OR10A4: variants seen among roughly 807,000 people sequenced by gnomAD.
OR10A4 encodes olfactory receptor family 10 subfamily A member 4.
OR10A4 carries 18 observed loss-of-function variants against 15.4 expected under a neutral mutation model. The observed-to-expected ratio is 1.17, with a 90% CI of 0.81 to 1.74. The LOEUF is 1.74. OR10A4 is among the 40% of genes most tolerant of loss of function. OR10A4 has a pLI of 0.00. For synonymous variants in OR10A4, 161 were observed against 149.5 expected, an observed-to-expected ratio of 1.08 and a Z score of -0.56; for missense variants, 455 against 372.3, an observed-to-expected ratio of 1.22 and a Z score of -1.83.
Position 6,877,042 on chromosome 11 carries a change from A to G in OR10A4, c.395A>G (p.His132Arg). 6.2e-7 allele frequency: 1 copy of G among 1,614,184 alleles called. No individual in the cohort carries two copies. The change falls in exon 1 of 1, where the codon CAC becomes CGC. Residue 132 changes from histidine to arginine, a missense_variant. Coordinates refer to ENST00000379829, the MANE Select transcript of OR10A4 (RefSeq NM_207186.2). ...TACGTGGCCATCTGTGACCCCTTGC[A>G]CTACCCAGTCATCATGGGCCACATA... Reference protein sequence around the residue: ...DRYVAICDPLHYPVIMGHISC... With the variant: ...DRYVAICDPLRYPVIMGHISC...
Position 6,876,682 on chromosome 11 carries a change from T to G in OR10A4, c.35T>G (p.Phe12Cys). 1 of 1,613,170 alleles carries G rather than the reference T, an allele frequency of 6.2e-7. No homozygotes were observed. ...MWENWTIVSE[F>C]VLVSFSALST... is the part of the protein sequence containing the mutation. ...GAAAACTGGACAATTGTCAGTGAAT[T>G]TGTTCTCGTGAGCTTCTCAGCCCTG... Residue 12 changes from phenylalanine (F) to cysteine (C), a missense_variant, in exon 1 of 1, where the codon TTT becomes TGT. By Grantham distance (205) the Phe-to-Cys change is radical. Transcript: ENST00000379829.
In OR10A4 at chr11:6,876,917, C is replaced by T. The variant is rs764241761; in HGVS notation, c.270C>T (p.Asp90=). 10 of 1,614,220 alleles carry T rather than the reference C, an allele frequency of 6.2e-6. No individual in the cohort carries two copies. In the East Asian group the frequency reaches 2.2e-4, roughly 36 times the overall value. The change falls in exon 1 of 1, where the codon GAC becomes GAT. Residue 90 remains aspartate (D), a synonymous_variant. Transcript: ENST00000379829. ...TGCTGGGGACCCTGATCATTCAAGACACAACCATCTCCTTCCTTGGATGTG... is the reference window on the plus strand; with the variant it reads ...TGCTGGGGACCCTGATCATTCAAGATACAACCATCTCCTTCCTTGGATGTG... ...PKMLGTLIIQ[D]TTISFLGCAT...
At position 6,877,127 on chromosome 11, in the gene OR10A4, A is replaced by C; in HGVS notation, c.480A>C (p.Gln160His). 6.2e-7 allele frequency: 1 copy of C among 1,614,186 alleles called. No individual in the cohort carries two copies. The highest frequency in any genetic ancestry group is 1.6e-4 in the Middle Eastern group (1 of 6,062). The change falls in exon 1 of 1, where the codon CAA becomes CAC. Residue 160 changes from glutamine (Q) to histidine (H), a missense_variant. Physicochemically the swap from Gln to His is conservative, Grantham distance 24. Transcript: ENST00000379829. ...WFSGFSVATV[Q>H]TTWIFSFPFC... ...CAGGGTTTTCAGTGGCCACTGTGCAAACCACATGGATTTTCAGTTTCCCTT... is the reference window on the plus strand; with the variant it reads ...CAGGGTTTTCAGTGGCCACTGTGCACACCACATGGATTTTCAGTTTCCCTT...
chr11:6,876,764 T>C lies in OR10A4; in HGVS notation c.117T>C (p.Thr39=), dbSNP rs566253065. The C allele has an allele frequency of 6.2e-7, 1 of 1,614,030 alleles. No homozygotes were observed. Among genetic ancestry groups the C allele is most frequent in the Non-Finnish European group, 8.5e-7 (1 of 1,179,850 alleles). The change falls in exon 1 of 1, where the codon ACT becomes ACC. Residue 39 remains threonine (T), a synonymous_variant. Transcript: ENST00000379829. ...TTTTCTTGACCATTTACTTGGTTAC[T>C]TTAATGGGCAATGTCCTCATCATCC... ...FLLFLTIYLV[T]LMGNVLIILV...
At position 6,877,413 on chromosome 11, in the gene OR10A4, G is replaced by A; in HGVS notation, c.766G>A (p.Ala256Thr). The A allele has an allele frequency of 1.2e-6, 2 of 1,614,064 alleles. No individual in the cohort carries two copies. Among genetic ancestry groups the A allele is most frequent in the Non-Finnish European group, 8.5e-7 (1 of 1,180,012 alleles). Reference protein sequence around the residue: ...LLVVSLFYSTAILTYFRPQSS... With the variant: ...LLVVSLFYSTTILTYFRPQSS... ...GGTTGTCTCTCTCTTCTATAGCACT[G>A]CCATCCTCACGTATTTCCGACCCCA... Residue 256 changes from alanine to threonine, a missense_variant, in exon 1 of 1, where the codon GCC becomes ACC. Coordinates refer to ENST00000379829, the MANE Select transcript of OR10A4 (RefSeq NM_207186.2).
rs146693980 is a variant in OR10A4 at position 6,877,205 on chromosome 11, T to C, written c.558T>C (p.Ile186=). Residue 186 remains isoleucine (I), a synonymous_variant, in exon 1 of 1, where the codon ATT becomes ATC. Coordinates refer to ENST00000379829, the MANE Select transcript of OR10A4 (RefSeq NM_207186.2). ...NHFFCDSPPV[I]ALVCADTSVF... ...TCTTCTGTGACAGCCCTCCTGTTAT[T>C]GCACTGGTCTGTGCTGACACCTCTG... 7.6e-4 allele frequency: 1,220 copies of C among 1,614,244 alleles called. No homozygotes were observed. Among genetic ancestry groups the C allele is most frequent in the Non-Finnish European group, 9.2e-4 (1,086 of 1,180,034 alleles).
rs756813127 is a variant in OR10A4, at chr11:6,877,233, T to A, written c.586T>A (p.Phe196Ile). Residue 196 changes from phenylalanine to isoleucine, a missense_variant, in exon 1 of 1, where the codon TTT becomes ATT. Physicochemically the swap from Phe to Ile is conservative, Grantham distance 21. Coordinates refer to ENST00000379829, the MANE Select transcript of OR10A4 (RefSeq NM_207186.2). ...IALVCADTSV[F>I]ELEALTATVL... ...ACTGGTCTGTGCTGACACCTCTGTGTTTGAACTGGAGGCTCTGACAGCCAC... is the reference window on the plus strand; with the variant it reads ...ACTGGTCTGTGCTGACACCTCTGTGATTGAACTGGAGGCTCTGACAGCCAC... 6.2e-7 allele frequency: 1 copy of A among 1,614,226 alleles called. No individual in the cohort carries two copies. The highest frequency in any genetic ancestry group is 1.1e-5 in the South Asian group (1 of 91,086).
chr11:6,877,037 C>T lies in OR10A4; in HGVS notation c.390C>T (p.Pro130=), dbSNP rs536870494. ...ACCGCTACGTGGCCATCTGTGACCCCTTGCACTACCCAGTCATCATGGGCC... is the reference window on the plus strand; with the variant it reads ...ACCGCTACGTGGCCATCTGTGACCCTTTGCACTACCCAGTCATCATGGGCC... ...AYDRYVAICD[P]LHYPVIMGHI... Residue 130 remains proline, a synonymous_variant, in exon 1 of 1, where the codon CCC becomes CCT. Transcript: ENST00000379829. 1 of 1,614,234 alleles carries T rather than the reference C, an allele frequency of 6.2e-7. No individual in the cohort carries two copies.
rs140636908 is a variant in OR10A4, at chr11:6,876,685, T to C, written c.38T>C (p.Val13Ala). Reference protein sequence around the residue: ...WENWTIVSEFVLVSFSALSTE... With the variant: ...WENWTIVSEFALVSFSALSTE... Reference sequence around the variant, plus strand: ...AACTGGACAATTGTCAGTGAATTTGTTCTCGTGAGCTTCTCAGCCCTGTCC... The same window carrying C: ...AACTGGACAATTGTCAGTGAATTTGCTCTCGTGAGCTTCTCAGCCCTGTCC... Residue 13 changes from valine to alanine, a missense_variant, in exon 1 of 1, where the codon GTT becomes GCT. Physicochemically the swap from Val to Ala is moderately conservative, Grantham distance 64. Transcript: ENST00000379829. The C allele has an allele frequency of 3.1e-6, 5 of 1,613,446 alleles. No individual in the cohort carries two copies. Among genetic ancestry groups the C allele is most frequent in the Non-Finnish European group, 3.4e-6 (4 of 1,179,768 alleles).
At position 6,876,724 on chromosome 11, in the gene OR10A4, C is replaced by T. The variant is rs751791498; in HGVS notation, c.77C>T (p.Ala26Val). The change falls in exon 1 of 1, where the codon GCT (alanine) becomes GTT (valine). Residue 26 changes from alanine (A) to valine (V), a missense_variant. Ala to Val is a moderately conservative substitution (Grantham distance 64). Coordinates refer to ENST00000379829, the MANE Select transcript of OR10A4 (RefSeq NM_207186.2). ...TCAGCCCTGTCCACTGAGCTTCAGG[C>T]TCTACTGTTTCTCCTTTTCTTGACC... ...SFSALSTELQ[A>V]LLFLLFLTIY... 1 of 1,614,106 alleles carries T rather than the reference C, an allele frequency of 6.2e-7. No individual in the cohort carries two copies. The highest frequency in any genetic ancestry group is 1.1e-5 in the South Asian group (1 of 91,084).
At position 6,877,395 on chromosome 11, in the gene OR10A4, T is replaced by C. The variant is rs896892921; in HGVS notation, c.748T>C (p.Ser250Pro). The change falls in exon 1 of 1, where the codon TCT becomes CCT. Residue 250 changes from serine (S) to proline (P), a missense_variant. Coordinates refer to ENST00000379829, the MANE Select transcript of OR10A4 (RefSeq NM_207186.2). ...CTGTTCCGCCCACCTCTTGGTTGTCTCTCTCTTCTATAGCACTGCCATCCT... is the reference window on the plus strand; with the variant it reads ...CTGTTCCGCCCACCTCTTGGTTGTCCCTCTCTTCTATAGCACTGCCATCCT... ...STCSAHLLVV[S>P]LFYSTAILTY... 1.3e-5 allele frequency: 21 copies of C among 1,614,042 alleles called. No homozygotes were observed. Among genetic ancestry groups the C allele is most frequent in the Non-Finnish European group, 1.8e-5 (21 of 1,180,032 alleles).
rs1194783593 is a variant in OR10A4, at chr11:6,877,405, A to C, written c.758A>C (p.Tyr253Ser). ...CACCTCTTGGTTGTCTCTCTCTTCT[A>C]TAGCACTGCCATCCTCACGTATTTC... ...SAHLLVVSLF[Y>S]STAILTYFRP... The change falls in exon 1 of 1, where the codon TAT becomes TCT. Residue 253 changes from tyrosine to serine, a missense_variant. Tyr to Ser is a moderately radical substitution (Grantham distance 144, BLOSUM62 -2). Transcript: ENST00000379829. The C allele has an allele frequency of 6.2e-7, 1 of 1,613,938 alleles. No homozygotes were observed. The highest frequency in any genetic ancestry group is 8.5e-7 in the Non-Finnish European group (1 of 1,180,010).
rs757044630 is a variant in OR10A4, at chr11:6,877,529, G to C, written c.882G>C (p.Arg294Ser). The change falls in exon 1 of 1, where the codon AGG becomes AGC. Residue 294 changes from arginine to serine, a missense_variant. Coordinates refer to ENST00000379829, the MANE Select transcript of OR10A4 (RefSeq NM_207186.2). ...TGAACCCCATCATCTACAGCTCAAG[G>C]AATAAAGAAGTGAAGGCTGCACTGA... ...PMLNPIIYSS[R>S]NKEVKAALKR... The C allele has an allele frequency of 1.2e-6, 2 of 1,614,126 alleles. No individual in the cohort carries two copies. Among genetic ancestry groups the C allele is most frequent in the Non-Finnish European group, 8.5e-7 (1 of 1,180,020 alleles).
In OR10A4 at chr11:6,877,461, A is replaced by G. The variant is rs892937188; in HGVS notation, c.814A>G (p.Lys272Glu). The change falls in exon 1 of 1, where the codon AAG becomes GAG. Residue 272 changes from lysine to glutamate, a missense_variant. Lys to Glu is a moderately conservative substitution (Grantham distance 56, BLOSUM62 1). Coordinates refer to ENST00000379829, the MANE Select transcript of OR10A4 (RefSeq NM_207186.2). The stretch of plus-strand genomic sequence containing the variant: ...CCAATCCAGTGCCTCTTCTGAGAGC[A>G]AGAAGCTGCTGTCACTCTCTTCCAC... The part of the protein sequence containing the change: ...RPQSSASSES[K>E]KLLSLSSTVV... 4 of 1,614,048 alleles carry G rather than the reference A, an allele frequency of 2.5e-6. No homozygotes were observed. The highest frequency in any genetic ancestry group is 1.7e-5 in the Admixed American group (1 of 60,004).
rs1245525543 is a variant in OR10A4 at position 6,877,239 on chromosome 11, C to A, written c.592C>A (p.Leu198Met). Residue 198 changes from leucine to methionine, a missense_variant, in exon 1 of 1, where the codon CTG becomes ATG. Transcript: ENST00000379829. Reference sequence around the variant, plus strand: ...CTGTGCTGACACCTCTGTGTTTGAACTGGAGGCTCTGACAGCCACTGTCCT... The same window carrying A: ...CTGTGCTGACACCTCTGTGTTTGAAATGGAGGCTCTGACAGCCACTGTCCT... ...LVCADTSVFE[L>M]EALTATVLFI... 10 of 1,614,084 alleles carry A rather than the reference C, an allele frequency of 6.2e-6. No homozygotes were observed. Among genetic ancestry groups the A allele is most frequent in the African/African-American group, 1.3e-5 (1 of 74,924 alleles).
chr11:6,876,716 G>A lies in OR10A4; in HGVS notation c.69G>A (p.Glu23=), dbSNP rs750155957. Residue 23 remains glutamate, a synonymous_variant, in exon 1 of 1, where the codon GAG becomes GAA. Coordinates refer to ENST00000379829, the MANE Select transcript of OR10A4 (RefSeq NM_207186.2). ...TGAGCTTCTCAGCCCTGTCCACTGA[G>A]CTTCAGGCTCTACTGTTTCTCCTTT... ...VLVSFSALST[E]LQALLFLLFL... 8.7e-6 allele frequency: 14 copies of A among 1,614,048 alleles called. No individual in the cohort carries two copies. Among genetic ancestry groups the A allele is most frequent in the Non-Finnish European group, 1.2e-5 (14 of 1,180,024 alleles).
Position 6,877,046 on chromosome 11 carries a change from C to A in OR10A4, c.399C>A (p.Tyr133Ter), listed in dbSNP as rs768936168. The change falls in exon 1 of 1, where the codon TAC becomes TAA. Residue 133 changes from tyrosine (Y) to a stop codon, truncating the protein, a stop_gained. Transcript: ENST00000379829. LOFTEE classifies it high-confidence loss of function. ...RYVAICDPLH[Y>*]PVIMGHISCA... is the part of the protein sequence containing the mutation. ...TGGCCATCTGTGACCCCTTGCACTA[C>A]CCAGTCATCATGGGCCACATATCCT... 2.5e-6 allele frequency: 4 copies of A among 1,614,222 alleles called. No homozygotes were observed. The East Asian group carries it at 6.7e-5, about 27-fold the overall frequency.
At position 6,876,862 on chromosome 11, in the gene OR10A4, T is replaced by C. The variant is rs776149128; in HGVS notation, c.215T>C (p.Ile72Thr). ...FFLRNLSFLE[I>T]GFNLVIVPKM... ...CTCAGAAACTTGTCCTTCCTGGAGA[T>C]AGGTTTCAACTTGGTCATTGTGCCC... Residue 72 changes from isoleucine (I) to threonine (T), a missense_variant, in exon 1 of 1, where the codon ATA becomes ACA. Physicochemically the swap from Ile to Thr is moderately conservative, Grantham distance 89. Transcript: ENST00000379829. 3.7e-6 allele frequency: 6 copies of C among 1,614,034 alleles called. No homozygotes were observed. The highest frequency in any genetic ancestry group is 1.3e-5 in the African/African-American group (1 of 74,942).
Position 6,876,808 on chromosome 11 carries a change from C to A in OR10A4, c.161C>A (p.Ser54Tyr). ...ATCATCCTGGTCACTATAGCTGACT[C>A]TGCACTACAAAGTCCTATGTACTTC... ...VLIILVTIADSALQSPMYFFL... is the reference protein window; with the variant it reads ...VLIILVTIADYALQSPMYFFL... The change falls in exon 1 of 1, where the codon TCT becomes TAT. Residue 54 changes from serine to tyrosine, a missense_variant. Coordinates refer to ENST00000379829, the MANE Select transcript of OR10A4 (RefSeq NM_207186.2). The A allele has an allele frequency of 1.9e-6, 3 of 1,614,146 alleles. No homozygotes were observed. The highest frequency in any genetic ancestry group is 2.5e-6 in the Non-Finnish European group (3 of 1,179,982).
Sources: allele counts gnomAD v4.1 joint callset, GRCh38; gene constraint gnomAD v4.1.1; transcripts MANE v1.5; gene names NCBI Gene and HGNC (gene_info 2026-07-23, HGNC 2026-07-21).